Variants in MBD5 observed in about 807,000 individuals in gnomAD.
The protein encoded by MBD5 is methyl-CpG binding domain protein 5.
Under a neutral mutation model 117.3 loss-of-function variants are expected in MBD5, and 13 were observed. That is an observed-to-expected ratio of 0.11 (90% CI 0.07 to 0.18). The LOEUF (loss-of-function observed/expected upper bound fraction) is 0.18, where lower values mean the gene tolerates loss of function less well. MBD5 is among the 10% of genes least tolerant of loss of function. The pLI, the probability that MBD5 is intolerant of heterozygous loss-of-function variation, is 1.00. For missense variants in MBD5, 1,879 were observed against 2,093.8 expected (o/e 0.90, Z 2.00); for synonymous variants, 727 against 766.4 (o/e 0.95, Z 0.85).
In MBD5 at chr2:148,462,673, A is replaced by G. The variant is rs749163361; in HGVS notation, c.205A>G (p.Ile69Val). The change falls in exon 6 of 14, where the codon ATT becomes GTT. Residue 69 changes from isoleucine (I) to valine (V), a missense_variant. This residue lies in a region of MBD5 where 71 missense variants were observed against 129.2 expected (regional missense o/e 0.55). Transcript: ENST00000642680. ...TCKCGLECPL[I>V]LPKVFNFDPG... is the part of the protein sequence containing the mutation. ...CAAGTGTGGCTTGGAATGTCCTCTTATTCTTCCCAAGGTAACCATTTCACA... is the reference window on the plus strand; with the variant it reads ...CAAGTGTGGCTTGGAATGTCCTCTTGTTCTTCCCAAGGTAACCATTTCACA... 3 of 1,604,942 alleles carry G rather than the reference A, an allele frequency of 1.9e-6. No individual in the cohort carries two copies. The highest frequency in any genetic ancestry group is 2.6e-6 in the Non-Finnish European group (3 of 1,172,290).
rs188171983 is a variant in MBD5 at position 148,103,026 on chromosome 2, A to G, written c.-924-75674A>G. Among the ~76,000 whole-genome samples, 31 of 152,294 alleles carry G rather than the reference A, an allele frequency of 2.0e-4. 1 individual carries two copies. In the East Asian group the frequency reaches 6.0e-3, roughly 29 times the overall value. On this transcript the variant is annotated intron_variant, in intron 1 of 13. Coordinates refer to ENST00000642680, the MANE Select transcript of MBD5 (RefSeq NM_001378120.1). ...CAAGAAAAGATAGATGAAAAAATTT[A>G]ATCAGAACATATTGAATTGTCTGTA... is the stretch of plus-strand genomic sequence containing the variant.
intron 1 of MBD5, among the ~76,000 whole-genome samples, chr2:148,091,154 G>A (rs1169781189): frequency 1.3e-5 from 2 of 151,904 alleles, no homozygotes; most frequent in Non-Finnish European, 2.9e-5. Flanking sequence ...GAAATGAATC[G>A]TCAACAATAT....
chr2:148,416,080 G>C (rs1192625611), intron 4 of MBD5, among the ~76,000 whole-genome samples: 1 of 152,304 alleles, frequency 6.6e-6, no homozygotes, highest in Non-Finnish European at 1.5e-5. Flanking sequence ...TGGCTCATCA[G>C]TGTGGCTTGG....
At chr2:148,433,958 G>T (rs1157267173) in intron 4 of MBD5, among the ~76,000 whole-genome samples, 1 of 151,118 alleles carries the variant, frequency 6.6e-6, no homozygotes, top group East Asian at 1.9e-4. Context: ...AGTTTCAGTA[G>T]AAATGGTACC....
chr2:148,352,237 C>T (rs1703266172), intron 4 of MBD5, among the ~76,000 whole-genome samples: 1 of 152,058 alleles, frequency 6.6e-6, no homozygotes, highest in Admixed American at 6.6e-5. Flanking sequence ...CATCACCCCA[C>T]CTCCTTGCCA....
At chr2:148,373,077 G>T (rs1052607237) in intron 4 of MBD5, among the ~76,000 whole-genome samples, 2 of 152,014 alleles carry the variant, frequency 1.3e-5, no homozygotes, top group Non-Finnish European at 2.9e-5. Context: ...AAAGAATTAC[G>T]TTTTGATATG....
intron 1 of MBD5, among the ~76,000 whole-genome samples, chr2:148,065,527 G>A (rs190847990): frequency 1.4e-4 from 21 of 152,206 alleles, no homozygotes; most frequent in African/African-American, 5.1e-4. Context: ...AGTATTATGA[G>A]CATTTGAAAT....
chr2:148,304,077 T>C (rs1353771877), intron 3 of MBD5, among the ~76,000 whole-genome samples: 4 of 152,132 alleles, frequency 2.6e-5, no homozygotes, highest in African/African-American at 9.7e-5. Flanking sequence ...ATATCCACAC[T>C]GCAGATCTCC....
intron 1 of MBD5, among the ~76,000 whole-genome samples, chr2:148,173,685 A>G (rs1698317822): frequency 6.6e-6 from 1 of 152,154 alleles, no homozygotes; most frequent in Non-Finnish European, 1.5e-5. Flanking sequence ...CTGCTCCTGC[A>G]CTCCAGCTTA....
chr2:148,340,420 G>A (rs1702907354), intron 3 of MBD5, among the ~76,000 whole-genome samples: 1 of 152,122 alleles, frequency 6.6e-6, no homozygotes, highest in African/African-American at 2.4e-5. Flanking sequence ...ATGATATCAT[G>A]TAAAAGGAAA....
chr2:148,021,340 G>T lies in MBD5; in HGVS notation c.-1269G>T, dbSNP rs1369665907. On this transcript the variant is annotated 5_prime_UTR_variant, in exon 1 of 14. Transcript: ENST00000642680. ...TTCTTCTTCGAAAACCCCCATCCAC[G>T]ACTCCTACCCCCTCACCCCTCCAAC... 1.6e-5 allele frequency: 6 copies of T among 381,882 alleles called. No individual in the cohort carries two copies. The highest frequency in any genetic ancestry group is 8.4e-5 in the South Asian group (4 of 47,846). 23.7% of individuals were successfully genotyped at this position (381,882 alleles called of 1,614,324 possible). A position where few individuals can be genotyped will look rare whatever the true frequency, so the allele number is the denominator to read the frequency against.
rs1267063060 is a variant in MBD5, at chr2:148,021,478, C to T, written c.-1131C>T. The T allele has an allele frequency of 1.6e-5, 9 of 576,716 alleles. No homozygotes were observed. The highest frequency in any genetic ancestry group is 2.0e-5 in the Non-Finnish European group (6 of 299,498). 35.7% of individuals were successfully genotyped at this position (576,716 alleles called of 1,614,324 possible). A position where few individuals can be genotyped will look rare whatever the true frequency, so the allele number is the denominator to read the frequency against. ...GCTGCTGCTGTTGCTGCTGCTGCTG[C>T]TGTTGCTGCTGCTGCTGCTACTGCT... On this transcript the variant is annotated 5_prime_UTR_variant, in exon 1 of 14. Transcript: ENST00000642680.
At chr2:148,328,434 C>G (rs960648667) in intron 3 of MBD5, among the ~76,000 whole-genome samples, 1 of 152,208 alleles carries the variant, frequency 6.6e-6, no homozygotes, top group Non-Finnish European at 1.5e-5. Flanking sequence ...GCGCCCCTCC[C>G]CTAGCCTCGC....
At chr2:148,484,221 C>A in intron 9 of MBD5, 86 bp downstream of exon 9, 1 of 1,177,554 alleles carries the variant, frequency 8.5e-7, no homozygotes, top group Non-Finnish European at 1.1e-6. Flanking sequence ...CATTTTGTCA[C>A]ACTATTTTTA....
chr2:148,116,923 A>G (rs942389309), intron 1 of MBD5, among the ~76,000 whole-genome samples: 1 of 152,208 alleles, frequency 6.6e-6, no homozygotes, highest in African/African-American at 2.4e-5. Context: ...CAATGGTTTT[A>G]ACTACTGATT....
At chr2:148,317,819 A>AT (rs1670022634) in intron 3 of MBD5, among the ~76,000 whole-genome samples, 1 of 152,210 alleles carries the variant, frequency 6.6e-6, no homozygotes, top group Non-Finnish European at 1.5e-5. Flanking sequence ...GTAGTATTCC[A>AT]TGGCATATAT....
intron 3 of MBD5, among the ~76,000 whole-genome samples, chr2:148,288,647 C>T (rs913652363): frequency 6.6e-6 from 1 of 151,806 alleles, no homozygotes; most frequent in Non-Finnish European, 1.5e-5. Flanking sequence ...CCCTGATGAT[C>T]GGACTAGGTG....
intron 3 of MBD5, chr2:148,243,645 A>G (rs1700269090): frequency 6.6e-6 from 1 of 152,058 alleles, no homozygotes; most frequent in African/African-American, 2.4e-5. Flanking sequence ...GGAAGATAAC[A>G]TTTTTATTTA....
chr2:148,155,396 T>C (rs1326691656), intron 1 of MBD5, among the ~76,000 whole-genome samples: 1 of 152,156 alleles, frequency 6.6e-6, no homozygotes, highest in Non-Finnish European at 1.5e-5. Context: ...AGGAGAGAGC[T>C]CAGACAGGTA....
Sources: gnomAD v4.1 joint callset for allele counts (sites outside exome capture counted in the v4.1 genomes callset) on GRCh38, gnomAD v4.1.1 for gene constraint, gnomAD v4.1.1 regional missense constraint, MANE v1.5 for transcripts, NCBI Gene and HGNC (gene_info 2026-07-23, HGNC 2026-07-21) for gene names.